The following UTRN variants were observed in gnomAD, a reference collection of about 807,000 sequenced individuals.
UTRN encodes utrophin.
UTRN carries 283 observed loss-of-function variants against 463.9 expected under a neutral mutation model. That is an observed-to-expected ratio of 0.61 (90% CI 0.55 to 0.67). The LOEUF (loss-of-function observed/expected upper bound fraction) is 0.67, where lower values mean the gene tolerates loss of function less well. UTRN is among the 30% of genes least tolerant of loss of function. The probability of loss-of-function intolerance (pLI) is 0.00; values close to 1 mark genes in which losing one functional copy is unlikely to be tolerated. For synonymous variants in UTRN, 1,442 were observed against 1,431.5 expected (o/e 1.01, Z -0.17); for missense variants, 3,922 against 4,084.3 (o/e 0.96, Z 1.08).
At chr6:144,594,008 G>A (rs2128633137) in intron 51 of UTRN, among the ~76,000 whole-genome samples, 2 of 152,244 alleles carry the variant, frequency 1.3e-5, no homozygotes, top group Middle Eastern at 3.4e-3. Context: ...CCTTCTTTTG[G>A]ATGTAAGTCA....
At chr6:144,550,855 G>A in intron 47 of UTRN, 110 bp from the exon 48 acceptor site, 1 of 835,350 alleles carries the variant, frequency 1.2e-6, no homozygotes, top group Non-Finnish European at 1.8e-6. Flanking sequence ...GCTTCACTAT[G>A]CCATAGAGGA....
intron 54 of UTRN, among the ~76,000 whole-genome samples, chr6:144,732,614 AT>A (rs1328686009): frequency 6.6e-6 from 1 of 151,980 alleles, no homozygotes; most frequent in Non-Finnish European, 1.5e-5. Flanking sequence ...CTGAAAAAAA[AT>A]CTTGGCCTCC....
At chr6:144,586,771 A>G (rs960532774) in intron 51 of UTRN, among the ~76,000 whole-genome samples, 2 of 152,142 alleles carry the variant, frequency 1.3e-5, no homozygotes, top group Non-Finnish European at 2.9e-5. Context: ...GTAGATTGGG[A>G]TATGAACATT....
intron 48 of UTRN, among the ~76,000 whole-genome samples, chr6:144,552,676 C>T (rs1468509287): frequency 6.6e-6 from 1 of 152,042 alleles, no homozygotes; most frequent in African/African-American, 2.4e-5. Context: ...TATGAAAAAC[C>T]CTTCCCAGGG....
At chr6:144,527,807 T>G (rs1796692078) in intron 41 of UTRN, among the ~76,000 whole-genome samples, 1 of 152,222 alleles carries the variant, frequency 6.6e-6, no homozygotes, top group South Asian at 2.1e-4. Flanking sequence ...ATTTTGCATC[T>G]CTCTGAGTGT....
rs79805600 is a variant in UTRN at position 144,571,638 on chromosome 6, T to C, written c.7290-5461T>C. The stretch of plus-strand genomic sequence containing the variant: ...CCATTGAATTTTAGGTAAATACATA[T>C]ACAGTGTTGACATTATTTTGCTTGT... On this transcript the variant is annotated intron_variant, in intron 50 of 74. Transcript: ENST00000367545. 2.6e-3 allele frequency among the ~76,000 whole-genome samples: 399 copies of C among 152,350 alleles called. 13 individuals carry two copies. In the East Asian group the frequency reaches 0.06, roughly 23 times the overall value.
chr6:144,828,250 T>G (rs761798647), intron 68 of UTRN, among the ~76,000 whole-genome samples: 1 of 152,138 alleles, frequency 6.6e-6, no homozygotes, highest in African/African-American at 2.4e-5. Flanking sequence ...GGGGAAAGTC[T>G]TGGACTAATG....
chr6:144,785,117 A>T (rs1021720229), intron 61 of UTRN, among the ~76,000 whole-genome samples: 4 of 152,242 alleles, frequency 2.6e-5, no homozygotes, highest in Non-Finnish European at 5.9e-5. Context: ...TGAGAATCAG[A>T]TAGAAATTAC....
chr6:144,480,901 G>A (rs555873900), intron 26 of UTRN, among the ~76,000 whole-genome samples: 1 of 152,184 alleles, frequency 6.6e-6, no homozygotes, highest in African/African-American at 2.4e-5. Flanking sequence ...AAATATGACA[G>A]GAGACTTGTT....
At chr6:144,722,559 A>G (rs1050028044) in intron 53 of UTRN, among the ~76,000 whole-genome samples, 2 of 152,180 alleles carry the variant, frequency 1.3e-5, no homozygotes, top group Admixed American at 1.3e-4. Context: ...GCTTCATGAC[A>G]TGCTTCAAAC....
intron 51 of UTRN, among the ~76,000 whole-genome samples, chr6:144,654,348 TC>T (rs576717431): frequency 2.7e-3 from 414 of 152,324 alleles, no homozygotes; most frequent in Non-Finnish European, 5.2e-3. Context: ...GTATAGCTGA[TC>T]GCGTGGGGTT....
chr6:144,724,115 G>T (rs566766525), intron 53 of UTRN, among the ~76,000 whole-genome samples: 7 of 150,442 alleles, frequency 4.7e-5, no homozygotes, highest in African/African-American at 1.5e-4. Flanking sequence ...TAACCTTGTT[G>T]AGATAGTATT....
Position 144,793,896 on chromosome 6 carries a change from C to T in UTRN, c.8983C>T (p.Leu2995Phe), listed in dbSNP as rs765129568. The T allele has an allele frequency of 1.2e-6, 2 of 1,614,144 alleles. No homozygotes were observed. Among genetic ancestry groups the T allele is most frequent in the Admixed American group, 1.7e-5 (1 of 60,014 alleles). Reference sequence around the variant, plus strand: ...TGACCAGAGGCAGCTGGGCCTGTTACTTCATGATGCCATCCAGATCCCCCG... The same window carrying T: ...TGACCAGAGGCAGCTGGGCCTGTTATTTCATGATGCCATCCAGATCCCCCG... ...MCDQRQLGLL[L>F]HDAIQIPRQL... The change falls in exon 63 of 75, where the codon CTT (leucine) becomes TTT (phenylalanine). Residue 2995 changes from leucine (L) to phenylalanine (F), a missense_variant. Physicochemically the swap from Leu to Phe is conservative, Grantham distance 22. Coordinates refer to ENST00000367545, the MANE Select transcript of UTRN (RefSeq NM_007124.3).
rs543582392 is a variant in UTRN at position 144,661,685 on chromosome 6, A to T, written c.7480-16721A>T. On this transcript the variant is annotated intron_variant, in intron 51 of 74. Transcript: ENST00000367545. ...TCTGTTTCTTCCTTTAAAGGTATAG[A>T]GCATATGTTACATGAATAATTCATT... Among the ~76,000 whole-genome samples, 8 of 152,256 alleles carry T rather than the reference A, an allele frequency of 5.3e-5. No homozygotes were observed. In the East Asian group the frequency reaches 1.4e-3, roughly 26 times the overall value.
intron 2 of UTRN, among the ~76,000 whole-genome samples, chr6:144,399,847 C>A (rs1782782458): frequency 6.6e-6 from 1 of 152,152 alleles, no homozygotes; most frequent in African/African-American, 2.4e-5. Context: ...GAAGATTTAT[C>A]AAGCAGTTTT....
intron 40 of UTRN, 144 bp downstream of exon 40, chr6:144,522,315 C>A: frequency 1.7e-6 from 1 of 591,378 alleles, no homozygotes; most frequent in Non-Finnish European, 2.6e-6. Context: ...GTAAAGCTTT[C>A]CTATATTGTC....
At chr6:144,670,555 A>ATATTTTTCCCACTCTGTGAC (rs1780905287) in intron 51 of UTRN, among the ~76,000 whole-genome samples, 1 of 152,040 alleles carries the variant, frequency 6.6e-6, no homozygotes, top group Admixed American at 6.6e-5. Context: ...TAGTTTGTGA[A>ATATTTTTCCCACTCTGTGAC]TATTTTTCCC....
At chr6:144,551,850 G>A (rs1384363437) in intron 48 of UTRN, among the ~76,000 whole-genome samples, 3 of 152,026 alleles carry the variant, frequency 2.0e-5, no homozygotes, top group Non-Finnish European at 4.4e-5. Context: ...ACCTTTATTT[G>A]CATTATTTTA....
In UTRN at chr6:144,462,777, G is replaced by A. The variant is rs1247674940; in HGVS notation, c.2977G>A (p.Val993Met). Residue 993 changes from valine (V) to methionine (M), a missense_variant, in exon 23 of 75, where the codon GTG (valine) becomes ATG (methionine). This residue lies in a region of UTRN where 2,349 missense variants were observed against 2,303.8 expected (regional missense o/e 1.02). Transcript: ENST00000367545. The part of the protein sequence containing the change: ...EKLYKQEFDD[V>M]QGKWNKLKVL... ...ATTATATAAGCAAGAATTTGATGAT[G>A]TGCAAGGAAAGTGGAACAAGCTAAA... is the stretch of plus-strand genomic sequence containing the variant. The A allele has an allele frequency of 2.5e-6, 4 of 1,611,954 alleles. No homozygotes were observed. Among genetic ancestry groups the A allele is most frequent in the Non-Finnish European group, 3.4e-6 (4 of 1,179,542 alleles).
Sources: gnomAD v4.1 joint callset for allele counts (sites outside exome capture counted in the v4.1 genomes callset) on GRCh38, gnomAD v4.1.1 for gene constraint, gnomAD v4.1.1 regional missense constraint, MANE v1.5 for transcripts, NCBI Gene and HGNC (gene_info 2026-07-23, HGNC 2026-07-21) for gene names.